The following MVK variants were observed in gnomAD, a reference collection of about 807,000 sequenced individuals.
The protein encoded by MVK is mevalonate kinase, also known as LH receptor mRNA-binding protein.
MVK carries 34 observed loss-of-function variants against 43.2 expected under a neutral mutation model. The observed-to-expected ratio is 0.79, with a 90% CI of 0.60 to 1.05. The LOEUF is 1.05. Ranked by LOEUF, MVK falls within the 50% of genes least tolerant of loss-of-function variation. MVK has a pLI of 0.00. For synonymous variants in MVK, 190 were observed against 219.8 expected, an observed-to-expected ratio of 0.86 and a Z score of 1.20; for missense variants, 395 against 504.0, an observed-to-expected ratio of 0.78 and a Z score of 2.07.
In MVK at chr12:109,576,074, G is replaced by A. The variant is rs7957619; in HGVS notation, c.155G>A (p.Ser52Asn). The A allele has an allele frequency of 0.11, 178,554 of 1,614,064 alleles. 11,153 individuals are homozygous for A. The highest frequency in any genetic ancestry group is 0.13 in the Middle Eastern group (774 of 6,062). Residue 52 changes from serine (S) to asparagine (N), a missense_variant, in exon 3 of 11, where the codon AGC becomes AAC. Coordinates refer to ENST00000228510, the MANE Select transcript of MVK (RefSeq NM_000431.4). ...CACAGCAATGGGAAAGTGGACCTCA[G>A]CTTACCCAACATTGGTATCAAGCGG... is the stretch of plus-strand genomic sequence containing the variant. ...QPHSNGKVDL[S>N]LPNIGIKRAW...
rs376816769 is a variant in MVK at position 109,579,977 on chromosome 12, A to C, written c.371+31A>C. Reference sequence around the variant, plus strand: ...TGCGTGGTCTGGGGAAGGAGTCCAGATTCAGCCTCCCATGGAGAAAAAGGA... The same window carrying C: ...TGCGTGGTCTGGGGAAGGAGTCCAGCTTCAGCCTCCCATGGAGAAAAAGGA... On this transcript the variant is annotated intron_variant, in intron 4 of 10. Coordinates refer to ENST00000228510, the MANE Select transcript of MVK (RefSeq NM_000431.4). The C allele has an allele frequency of 1.9e-6, 3 of 1,613,950 alleles. No individual in the cohort carries two copies. In the African/African-American group the frequency reaches 4.0e-5, roughly 22 times the overall value.
chr12:109,591,133 G>A, intron 8 of MVK, 108 bp from the exon 9 acceptor site: 1 of 1,128,468 alleles, frequency 8.9e-7, no homozygotes, highest in Non-Finnish European at 1.3e-6. Flanking sequence ...CCCAGAGGAT[G>A]GGCACGGGCT....
In MVK at chr12:109,574,892, C is replaced by T. The variant is rs768216146; in HGVS notation, c.70C>T (p.His24Tyr). Residue 24 changes from histidine to tyrosine, a missense_variant, in exon 2 of 11, where the codon CAT becomes TAT. His to Tyr is a moderately conservative substitution (Grantham distance 83, BLOSUM62 2). Coordinates refer to ENST00000228510, the MANE Select transcript of MVK (RefSeq NM_000431.4). ...CCTTCATGGAGAACATGCCGTGGTA[C>T]ATGGCAAGGTACAAAGCCGTTAGAG... ...VILHGEHAVV[H>Y]GKVALAVSLN... 7 of 1,608,872 alleles carry T rather than the reference C, an allele frequency of 4.4e-6. No homozygotes were observed. In the South Asian group the frequency reaches 5.6e-5, roughly 13 times the overall value.
Position 109,590,800 on chromosome 12 carries a change from A to C in MVK, c.707A>C (p.Asn236Thr). The C allele has an allele frequency of 6.2e-7, 1 of 1,614,132 alleles. No homozygotes were observed. Among genetic ancestry groups the C allele is most frequent in the Non-Finnish European group, 8.5e-7 (1 of 1,180,020 alleles). ...CCAGCTCTCCAGATCCTGCTGACCA[A>C]CACCAAAGTCCCTCGCAATACCAGG... ...RSPALQILLT[N>T]TKVPRNTRAL... is the part of the protein sequence containing the mutation. Residue 236 changes from asparagine to threonine, a missense_variant, in exon 8 of 11, where the codon AAC becomes ACC. Asn to Thr is a moderately conservative substitution (Grantham distance 65). Transcript: ENST00000228510.
At chr12:109,591,380 C>T (rs764921732) in intron 9 of MVK, 23 bp downstream of exon 9, 58 of 1,605,252 alleles carry the variant, frequency 3.6e-5, no homozygotes, top group Non-Finnish European at 4.3e-5. Flanking sequence ...CTGCAGGAAC[C>T]GGGGTTACTG....
chr12:109,593,495 G>T lies in MVK; in HGVS notation c.886-1533G>T, dbSNP rs139151307. 1.2e-3 allele frequency among the ~76,000 whole-genome samples: 185 copies of T among 152,302 alleles called. 4 individuals carry two copies. The East Asian group carries it at 0.026, about 21-fold the overall frequency. ...GCCAGGGGGTGCTCTCAGAGGCAGG[G>T]TAGACAGGAGCTTCATGTCAGGCAG... On this transcript the variant is annotated intron_variant, in intron 9 of 10. Transcript: ENST00000228510.
chr12:109,583,003 G>T (rs1885289864), intron 5 of MVK, among the ~76,000 whole-genome samples: 2 of 151,940 alleles, frequency 1.3e-5, no homozygotes, highest in Admixed American at 1.3e-4. Flanking sequence ...TACTCTTACA[G>T]AAACACCTGG....
At chr12:109,583,329 A>G (rs1268942193) in intron 5 of MVK, among the ~76,000 whole-genome samples, 5 of 151,394 alleles carry the variant, frequency 3.3e-5, no homozygotes, top group Admixed American at 2.6e-4. Flanking sequence ...ATTCCCACCT[A>G]TGAGTGAGAA....
intron 5 of MVK, among the ~76,000 whole-genome samples, chr12:109,582,299 TTTTCTGAGCTTGGTTTTTTTGTTTG>T (rs1260645533): frequency 4.0e-5 from 5 of 124,984 alleles, no homozygotes; most frequent in African/African-American, 1.7e-4. Context: ...TTTTGTTTTG[TTTTCTGAGCTTGGTTTTTTTGTTTG>T]TTTGTTTGTT....
chr12:109,595,105 G>A lies in MVK; in HGVS notation c.963G>A (p.Val321=). 6.2e-7 allele frequency: 1 copy of A among 1,614,212 alleles called. No homozygotes were observed. Among genetic ancestry groups the A allele is most frequent in the Non-Finnish European group, 8.5e-7 (1 of 1,180,046 alleles). Reference sequence around the variant, plus strand: ...CCTCTCTGGACCAGCTCTGCCAGGTGACCAGGGCCCGCGGACTTCACAGCA... The same window carrying A: ...CCTCTCTGGACCAGCTCTGCCAGGTAACCAGGGCCCGCGGACTTCACAGCA... The part of the protein sequence containing the change: ...GHASLDQLCQ[V]TRARGLHSKL... Residue 321 remains valine, a synonymous_variant, in exon 10 of 11, where the codon GTG becomes GTA. Coordinates refer to ENST00000228510, the MANE Select transcript of MVK (RefSeq NM_000431.4). The surrounding 1 kb of genome is among the most constrained non-coding windows in gnomAD (Gnocchi z 5.9).
chr12:109,596,123 CTG>C (rs1232585877), intron 10 of MVK, among the ~76,000 whole-genome samples: 3 of 152,218 alleles, frequency 2.0e-5, no homozygotes, highest in Non-Finnish European at 4.4e-5. Context: ...GATGAGGAGA[CTG>C]AGACTGAGAG....
intron 3 of MVK, chr12:109,579,180 T>A (rs1178804065): frequency 2.3e-6 from 1 of 434,934 alleles, no homozygotes; most frequent in East Asian, 7.1e-5. Flanking sequence ...CACTCTGTTA[T>A]GCAGCCTGGA....
intron 3 of MVK, among the ~76,000 whole-genome samples, chr12:109,577,917 A>G (rs1885033158): frequency 6.6e-6 from 1 of 152,180 alleles, no homozygotes; most frequent in Admixed American, 6.5e-5. Flanking sequence ...CAGACCAGAA[A>G]TGTCTCCTGA....
chr12:109,573,417 A>G (rs773816976), upstream of MVK: 6 of 1,610,136 alleles, frequency 3.7e-6, no homozygotes, highest in Non-Finnish European at 3.4e-6. Flanking sequence ...GCGGCGCCGA[A>G]GCACCCGCGC....
At position 109,574,764 on chromosome 12, in the gene MVK, T is replaced by G. The variant is rs553910397; in HGVS notation, c.-14-45T>G. On this transcript the variant is annotated intron_variant, in intron 1 of 10. Coordinates refer to ENST00000228510, the MANE Select transcript of MVK (RefSeq NM_000431.4). The stretch of plus-strand genomic sequence containing the variant: ...TTCTAAGATCTCTTCCTGCTGGTTC[T>G]GACATCTAGAGATCTTTGCTCTTCT... 4 of 1,469,298 alleles carry G rather than the reference T, an allele frequency of 2.7e-6. No homozygotes were observed. The East Asian group carries it at 9.7e-5, about 36-fold the overall frequency. 91.0% of individuals were successfully genotyped at this position (1,469,298 alleles called of 1,614,324 possible).
rs1178413165 is a variant in MVK at position 109,595,208 on chromosome 12, T to C, written c.1039+27T>C. ...TATCCCGGGGGTAGGTGGGCCAGGC[T>C]GCCAGCCTGGGCTCCTAAGAGGGGT... On this transcript the variant is annotated intron_variant, in intron 10 of 10. Transcript: ENST00000228510. The surrounding 1 kb of genome is among the most constrained non-coding windows in gnomAD (Gnocchi z 5.9). 6.2e-7 allele frequency: 1 copy of C among 1,613,306 alleles called. No individual in the cohort carries two copies. Among genetic ancestry groups the C allele is most frequent in the Admixed American group, 1.7e-5 (1 of 60,018 alleles).
In MVK at chr12:109,580,085, C is replaced by T. The variant is rs965504685; in HGVS notation, c.371+139C>T. ...TTGGCTGTCCTCATCATGTGCCAGG[C>T]ACCCTGCCAGGCACGGTATATATGG... On this transcript the variant is annotated intron_variant, in intron 4 of 10. Coordinates refer to ENST00000228510, the MANE Select transcript of MVK (RefSeq NM_000431.4). 5 of 1,310,856 alleles carry T rather than the reference C, an allele frequency of 3.8e-6. No homozygotes were observed. In the African/African-American group the frequency reaches 4.3e-5, roughly 11 times the overall value. The allele number at this position is 1,310,856 out of a possible 1,614,324, so 81.2% of individuals were successfully genotyped here.
chr12:109,584,476 A>G lies in MVK; in HGVS notation c.528-1546A>G, dbSNP rs531211829. 1.2e-4 allele frequency among the ~76,000 whole-genome samples: 19 copies of G among 152,250 alleles called. 1 individual carries two copies. The highest frequency in any genetic ancestry group is 1.2e-3 in the Admixed American group (19 of 15,294). ...AGCACTTGTGTATTTTTTCCATCTC[A>G]ATATCCTCAGTGAGATAGACACTAT... On this transcript the variant is annotated intron_variant, in intron 5 of 10. Coordinates refer to ENST00000228510, the MANE Select transcript of MVK (RefSeq NM_000431.4).
At chr12:109,592,670 C>T (rs1885735453) in intron 9 of MVK, among the ~76,000 whole-genome samples, 1 of 152,224 alleles carries the variant, frequency 6.6e-6, no homozygotes. Flanking sequence ...AAAACTGAGG[C>T]CTGAAGAGAG....
Sources: allele counts gnomAD v4.1 joint callset (sites outside exome capture counted in the v4.1 genomes callset), GRCh38; gene constraint gnomAD v4.1.1; non-coding constraint Gnocchi (gnomAD v3.1); transcripts MANE v1.5; gene names NCBI Gene and HGNC (gene_info 2026-07-23, HGNC 2026-07-21).